The following DHODH variants were observed in gnomAD, a reference collection of about 807,000 sequenced individuals.
The protein encoded by DHODH is dihydroorotate dehydrogenase (quinone), mitochondrial.
In DHODH, 30 loss-of-function variants were observed where a neutral mutation model predicts 39.7. The ratio of observed to expected loss-of-function variants is 0.76; its 90% CI spans 0.57 to 1.02. DHODH has a LOEUF of 1.02. Among genes scored for constraint, DHODH ranks in the 50% least tolerant of loss-of-function variants. DHODH has a pLI of 0.00. For missense variants in DHODH, 531 were observed against 520.8 expected (o/e 1.02, Z -0.19); for synonymous variants, 222 against 213.8 (o/e 1.04, Z -0.34).
intron 3 of DHODH, chr16:72,015,535 C>T (rs1223229606): frequency 4.7e-6 from 1 of 211,758 alleles, no homozygotes; most frequent in African/African-American, 2.3e-5. Flanking sequence ...GGGGAGATTT[C>T]GATGGGCATC....
At position 72,026,895 on chromosome 16, in the gene DHODH, ATTC is replaced by A. The variant is rs1390559557; in HGVS notation, c.*2701_*2703del. 1 of 151,732 alleles carries A rather than the reference ATTC, an allele frequency of 6.6e-6. No individual in the cohort carries two copies. Among genetic ancestry groups the A allele is most frequent in the Non-Finnish European group, 1.5e-5 (1 of 68,916 alleles). 9.4% of individuals were successfully genotyped at this position (151,732 alleles called of 1,614,324 possible). On this transcript the variant is annotated 3_prime_UTR_variant, in exon 9 of 9. Coordinates refer to ENST00000219240, the MANE Select transcript of DHODH (RefSeq NM_001361.5). ...AACCTCTGTCTCCCGGGTTCAAGCA[ATTC>A]TTCTGCCTCAGCCTCCCAAGTAGCT...
intron 1 of DHODH, among the ~76,000 whole-genome samples, chr16:72,011,212 A>G (rs924241482): frequency 2.0e-5 from 3 of 152,236 alleles, no homozygotes; most frequent in Non-Finnish European, 2.9e-5. Flanking sequence ...GGTGTGTTAC[A>G]TATCAGGCAC....
Position 72,027,014 on chromosome 16 carries a change from T to TTTGA in DHODH, c.*2815_*2816insTTGA. 1 of 124,522 alleles carries TTTGA rather than the reference T, an allele frequency of 8.0e-6. No homozygotes were observed. Among genetic ancestry groups the TTTGA allele is most frequent in the Admixed American group, 8.8e-5 (1 of 11,414 alleles). The allele number at this position is 124,522 out of a possible 1,614,324, so 7.7% of individuals were successfully genotyped here. A position where few individuals can be genotyped will look rare whatever the true frequency, so the allele number is the denominator to read the frequency against. On this transcript the variant is annotated 3_prime_UTR_variant, in exon 9 of 9. Transcript: ENST00000219240. Reference sequence around the variant, plus strand: ...GTGTGTGTGTGTGTGTGTGTGTTTTTGAGATGGAGTCCTGCTCTGTCACCC... The same window carrying TTTGA: ...GTGTGTGTGTGTGTGTGTGTGTTTTTTTGAGAGATGGAGTCCTGCTCTGTCACCC...
At chr16:72,024,113 T>C (rs113617640) in intron 8 of DHODH, 32 bp from the exon 9 acceptor site, 1 of 1,613,752 alleles carries the variant, frequency 6.2e-7, no homozygotes, top group Non-Finnish European at 8.5e-7. Context: ...CTCCACTGTT[T>C]GCTGAAATTG....
Position 72,014,544 on chromosome 16 carries a change from A to G in DHODH, c.306A>G (p.Glu102=), listed in dbSNP as rs776224157. Residue 102 remains glutamate, a synonymous_variant, in exon 3 of 9, where the codon GAA becomes GAG. Transcript: ENST00000219240. ...CTGCAGGATTTGACAAGCATGGGGAAGCCGTGGACGGACTTTATAAGATGG... is the reference window on the plus strand; with the variant it reads ...CTGCAGGATTTGACAAGCATGGGGAGGCCGTGGACGGACTTTATAAGATGG... The part of the protein sequence containing the change: ...GIAAGFDKHG[E]AVDGLYKMGF... 19 of 1,614,222 alleles carry G rather than the reference A, an allele frequency of 1.2e-5. No homozygotes were observed. Among genetic ancestry groups the G allele is most frequent in the Non-Finnish European group, 1.5e-5 (18 of 1,180,042 alleles).
At chr16:72,012,971 C>T (rs2041101089) in intron 2 of DHODH, among the ~76,000 whole-genome samples, 1 of 152,186 alleles carries the variant, frequency 6.6e-6, no homozygotes, top group African/African-American at 2.4e-5. Flanking sequence ...AAAGAGTCCC[C>T]ATCCTCATGG....
chr16:72,020,485 A>G (rs1245755253), intron 4 of DHODH: 2 of 150,940 alleles, frequency 1.3e-5, no homozygotes, highest in Non-Finnish European at 2.9e-5. Flanking sequence ...CCTCCCGAGC[A>G]GCTAGGACTA....
chr16:72,020,860 CA>C (rs574754131), intron 4 of DHODH, among the ~76,000 whole-genome samples: 78 of 152,204 alleles, frequency 5.1e-4, no homozygotes, highest in Non-Finnish European at 8.7e-4. Flanking sequence ...GTCCATTTTC[CA>C]TGAAAATTTT....
chr16:72,014,300 G>A, intron 2 of DHODH, 173 bp from the exon 3 acceptor site: 1 of 642,108 alleles, frequency 1.6e-6, no homozygotes, highest in South Asian at 1.9e-5. Flanking sequence ...GTTAAAAATA[G>A]TTCCCCCAGT....
chr16:72,011,557 C>T (rs926597371), intron 1 of DHODH, among the ~76,000 whole-genome samples: 5 of 152,178 alleles, frequency 3.3e-5, no homozygotes, highest in African/African-American at 1.2e-4. Flanking sequence ...TGCTTGAGAC[C>T]AGGAGGTCAG....
intron 2 of DHODH, among the ~76,000 whole-genome samples, chr16:72,012,739 G>T (rs2041098167): frequency 6.6e-6 from 1 of 152,194 alleles, no homozygotes; most frequent in African/African-American, 2.4e-5. Context: ...TGAGAGGCAG[G>T]AGCATCGTGT....
chr16:72,024,089 G>A, intron 8 of DHODH, 56 bp from the exon 9 acceptor site: 1 of 1,593,982 alleles, frequency 6.3e-7, no homozygotes, highest in Admixed American at 1.7e-5. Flanking sequence ...CTTCCTGTAA[G>A]AGCAGGGCCT....
rs2288001 is a variant in DHODH, at chr16:72,024,773, G to T, written c.*574G>T. 85,736 of 153,436 alleles carry T rather than the reference G, an allele frequency of 0.56. 24,315 individuals are homozygous for T. Among genetic ancestry groups the T allele is most frequent in the South Asian group, 0.68 (3,338 of 4,930 alleles). 9.5% of individuals were successfully genotyped at this position (153,436 alleles called of 1,614,324 possible). ...ACCTGAGGCCAGGAGTTGGAGACCA[G>T]CCAGGCCACCATGGTGAAACCCTGT... On this transcript the variant is annotated 3_prime_UTR_variant, in exon 9 of 9. Coordinates refer to ENST00000219240, the MANE Select transcript of DHODH (RefSeq NM_001361.5).
rs2041166819 is a variant in DHODH, at chr16:72,018,374, G to A, written c.517+1268G>A. On this transcript the variant is annotated intron_variant, in intron 4 of 8. Coordinates refer to ENST00000219240, the MANE Select transcript of DHODH (RefSeq NM_001361.5). The stretch of plus-strand genomic sequence containing the variant: ...GTGGAAAGGGCTGAGGCACTCAGCA[G>A]TGTCAGATTTGGGGAATAGGAAATT... Among the ~76,000 whole-genome samples, 4 of 152,348 alleles carry A rather than the reference G, an allele frequency of 2.6e-5. No homozygotes were observed. The South Asian group carries it at 8.3e-4, about 32-fold the overall frequency.
At chr16:72,015,674 T>C in intron 3 of DHODH, 3 of 984,646 alleles carry the variant, frequency 3.0e-6, no homozygotes, top group Non-Finnish European at 3.6e-6. Flanking sequence ...ATCTTTCTGC[T>C]GCATTGCAGG....
chr16:72,009,473 G>A (rs1176889261), intron 1 of DHODH, among the ~76,000 whole-genome samples: 1 of 115,444 alleles, frequency 8.7e-6, no homozygotes, highest in African/African-American at 3.4e-5. Flanking sequence ...ACTGCAGTCC[G>A]CAGTCCGGCC....
In DHODH at chr16:72,022,484, C is replaced by T. The variant is rs1176321784; in HGVS notation, c.819+9C>T. The stretch of plus-strand genomic sequence containing the variant: ...CCAGTGTGGTCAAAGAGGTTTGAGT[C>T]GGGGCCTGGGCCCAGGGTGTGCCTC... On this transcript the variant is annotated intron_variant, in intron 6 of 8. Coordinates refer to ENST00000219240, the MANE Select transcript of DHODH (RefSeq NM_001361.5). 6.5e-6 allele frequency: 10 copies of T among 1,547,768 alleles called. No individual in the cohort carries two copies. The highest frequency in any genetic ancestry group is 2.4e-5 in the East Asian group (1 of 40,948).
At chr16:72,020,708 A>G (rs1295254879) in intron 4 of DHODH, among the ~76,000 whole-genome samples, 2 of 152,062 alleles carry the variant, frequency 1.3e-5, no homozygotes, top group East Asian at 3.8e-4. Flanking sequence ...GCAACTGTAC[A>G]TCCAGTCAAC....
intron 5 of DHODH, among the ~76,000 whole-genome samples, chr16:72,021,692 G>A (rs1353299978): frequency 6.6e-6 from 1 of 152,158 alleles, no homozygotes; most frequent in Non-Finnish European, 1.5e-5. Context: ...GTTGGACACC[G>A]TGGCTCATGC....
Sources: gnomAD v4.1 joint callset for allele counts (sites outside exome capture counted in the v4.1 genomes callset) on GRCh38, gnomAD v4.1.1 for gene constraint, MANE v1.5 for transcripts, NCBI Gene and HGNC (gene_info 2026-07-23, HGNC 2026-07-21) for gene names.